Variants in ZNG1A observed in about 807,000 individuals in gnomAD.
ZNG1A encodes the protein zinc-regulated GTPase metalloprotein activator 1A.
At chr9:140,324 G>A in the ZNG1A span, among the ~76,000 whole-genome samples, 1 of 151,914 alleles carries the variant, frequency 6.6e-6, no homozygotes, top group South Asian at 2.1e-4. Flanking sequence ...CTGAGAACGG[G>A]CAGACTGCCT....
At chr9:144,403 C>G in the ZNG1A span, among the ~76,000 whole-genome samples, 1 of 150,432 alleles carries the variant, frequency 6.6e-6, no homozygotes, top group Non-Finnish European at 1.5e-5. Context: ...ATATCTACAA[C>G]TATCTGATCT....
At chr9:139,825 C>T in the ZNG1A span, among the ~76,000 whole-genome samples, 2 of 151,572 alleles carry the variant, frequency 1.3e-5, no homozygotes, top group Non-Finnish European at 2.9e-5. Context: ...CGAGCCGAAG[C>T]AGGGCGAGGC....
chr9:154,678 G>A, the ZNG1A span: 2 of 1,496,930 alleles, frequency 1.3e-6, no homozygotes, highest in Non-Finnish European at 9.2e-7. Flanking sequence ...ACATGGATCT[G>A]TAGGCACTTA....
At chr9:167,195 G>A in the ZNG1A span, 1 of 151,480 alleles carries the variant, frequency 6.6e-6, no homozygotes, top group Non-Finnish European at 1.5e-5. Context: ...GGACCACAAA[G>A]TTCTAATGAA....
chr9:146,183 G>A, the ZNG1A span: 5 of 1,581,524 alleles, frequency 3.2e-6, no homozygotes, highest in South Asian at 1.1e-5. Context: ...ACTAACGTGA[G>A]CAGTTGGAAA....
the ZNG1A span, among the ~76,000 whole-genome samples, chr9:140,450 G>C: frequency 2.0e-5 from 3 of 150,830 alleles, no homozygotes; most frequent in Admixed American, 6.6e-5. Flanking sequence ...GCAGCTGAAG[G>C]TCGTGTCTGT....
chr9:132,684 G>A, the ZNG1A span, among the ~76,000 whole-genome samples: 2 of 54,368 alleles, frequency 3.7e-5, no homozygotes, highest in Admixed American at 3.7e-4. Flanking sequence ...AGCATTTGAT[G>A]GGGTTCAGGA....
chr9:178,753 G>C, the ZNG1A span: 16 of 1,010,550 alleles, frequency 1.6e-5, 4 homozygotes, highest in Admixed American at 2.5e-4. Flanking sequence ...AGAGGCACCG[G>C]CAGCCCGCAA....
chr9:149,278 T>C, the ZNG1A span: 5 of 151,282 alleles, frequency 3.3e-5, no homozygotes, highest in Admixed American at 6.6e-5. Context: ...CTATGTATCA[T>C]GGCATTCAAG....
chr9:153,924 G>A, the ZNG1A span: 3 of 152,128 alleles, frequency 2.0e-5, no homozygotes, highest in African/African-American at 7.2e-5. Flanking sequence ...GCTACCGAAT[G>A]TCTCTCTGTA....
the ZNG1A span, chr9:122,954 T>TTCCCA: frequency 8.4e-7 from 1 of 1,185,428 alleles, no homozygotes; most frequent in Non-Finnish European, 1.1e-6. Context: ...TATTTCTCTG[T>TTCCCA]ACTTGGGAAC....
chr9:128,143 G>A, the ZNG1A span, among the ~76,000 whole-genome samples: 4 of 151,774 alleles, frequency 2.6e-5, no homozygotes, highest in Admixed American at 2.6e-4. Flanking sequence ...TAGATAACCT[G>A]ACGACAATGT....
chr9:142,988 A>C, the ZNG1A span, among the ~76,000 whole-genome samples: 3 of 142,988 alleles, frequency 2.1e-5, no homozygotes, highest in Non-Finnish European at 3.0e-5. Flanking sequence ...CCAAAGACTA[A>C]ACCAGGAAGA....
At chr9:165,507 T>C in the ZNG1A span, among the ~76,000 whole-genome samples, 2,362 of 134,374 alleles carry the variant, frequency 0.018, 139 homozygotes, top group African/African-American at 0.074. Context: ...GGAGTAAAGA[T>C]GAATGAACAA....
At chr9:172,017 T>G in the ZNG1A span, 1 of 1,607,212 alleles carries the variant, frequency 6.2e-7, no homozygotes, top group Non-Finnish European at 8.5e-7. Context: ...GATATTCCTC[T>G]AATACATCTA....
chr9:126,945 C>T, the ZNG1A span, among the ~76,000 whole-genome samples: 3 of 152,128 alleles, frequency 2.0e-5, no homozygotes, highest in Non-Finnish European at 1.5e-5. Flanking sequence ...CTTTGACCCA[C>T]TGATCATTCA....
chr9:163,923 C>G, the ZNG1A span: 3 of 1,459,026 alleles, frequency 2.1e-6, no homozygotes, highest in Non-Finnish European at 2.7e-6. Context: ...GAGACTCTGT[C>G]TCAGAAAAAA....
the ZNG1A span, among the ~76,000 whole-genome samples, chr9:163,477 A>G: frequency 1.3e-5 from 2 of 152,180 alleles, no homozygotes; most frequent in African/African-American, 4.8e-5. Context: ...AGTGACATCG[A>G]GTTCCACCAC....
At chr9:178,215 T>C in the ZNG1A span, among the ~76,000 whole-genome samples, 1 of 150,504 alleles carries the variant, frequency 6.6e-6, no homozygotes, top group Non-Finnish European at 1.5e-5. Context: ...CTGTACACTC[T>C]AAACGTTCTT....
Sources: gnomAD v4.1 joint callset for allele counts (sites outside exome capture counted in the v4.1 genomes callset) on GRCh38, gnomAD v4.1.1 for gene constraint, MANE v1.5 for transcripts, NCBI Gene and HGNC (gene_info 2026-07-23, HGNC 2026-07-21) for gene names.